The following TMCC1 variants were observed in gnomAD, a reference collection of about 807,000 sequenced individuals.
TMCC1 encodes transmembrane and coiled-coil domains protein 1.
In TMCC1, 15 loss-of-function variants were observed where a neutral mutation model predicts 52.4. The observed-to-expected ratio is 0.29, with a 90% CI of 0.19 to 0.44. TMCC1 has a LOEUF of 0.44. Ranked by LOEUF, TMCC1 falls within the 20% of genes least tolerant of loss-of-function variation. The pLI is 1.00. For synonymous variants in TMCC1, 279 were observed against 301.9 expected (o/e 0.92, Z 0.79); for missense variants, 503 against 806.0 (o/e 0.62, Z 4.55).
chr3:129,757,203 C>A (rs2053088907), intron 4 of TMCC1, among the ~76,000 whole-genome samples: 2 of 152,132 alleles, frequency 1.3e-5, no homozygotes, highest in Admixed American at 1.3e-4. Context: ...CAATCTACAA[C>A]CCCCAAGGGA....
At chr3:129,719,941 G>T (rs924987645) in intron 4 of TMCC1, among the ~76,000 whole-genome samples, 2 of 152,130 alleles carry the variant, frequency 1.3e-5, no homozygotes, top group South Asian at 4.2e-4. Flanking sequence ...CATTTTGGGA[G>T]GCCAAAAGGC....
At chr3:129,778,677 G>GGC (rs1012030969) in intron 4 of TMCC1, among the ~76,000 whole-genome samples, 2 of 151,126 alleles carry the variant, frequency 1.3e-5, no homozygotes, top group East Asian at 1.9e-4. Context: ...ATCATGGTGG[G>GGC]GGGGGGGCAG....
chr3:129,666,663 C>T (rs894792487), intron 5 of TMCC1, among the ~76,000 whole-genome samples: 4 of 152,026 alleles, frequency 2.6e-5, no homozygotes, highest in Non-Finnish European at 4.4e-5. Context: ...TCACTTGAAC[C>T]CAGGAGGCGG....
chr3:129,836,282 AGGT>A (rs1223135033), intron 2 of TMCC1, among the ~76,000 whole-genome samples: 2 of 152,186 alleles, frequency 1.3e-5, no homozygotes, highest in Non-Finnish European at 2.9e-5. Context: ...TCTTCTCAGT[AGGT>A]GATAGAACAA....
At chr3:129,820,951 A>C (rs1352489769) in intron 4 of TMCC1, among the ~76,000 whole-genome samples, 1 of 152,208 alleles carries the variant, frequency 6.6e-6, no homozygotes, top group Non-Finnish European at 1.5e-5. Context: ...ATAGTACATA[A>C]GGAAAGCAGT....
chr3:129,689,569 G>A (rs1046812792), intron 4 of TMCC1, among the ~76,000 whole-genome samples: 7 of 152,140 alleles, frequency 4.6e-5, no homozygotes, highest in African/African-American at 1.7e-4. Context: ...GCCTTTCTAT[G>A]AGCCTGGAGG....
chr3:129,715,920 A>C (rs2049045691), intron 4 of TMCC1, among the ~76,000 whole-genome samples: 1 of 151,982 alleles, frequency 6.6e-6, no homozygotes. Flanking sequence ...GTTATTTTTA[A>C]ATTATTTTTT....
chr3:129,692,828 A>C (rs2047121793), intron 4 of TMCC1, among the ~76,000 whole-genome samples: 3 of 152,188 alleles, frequency 2.0e-5, no homozygotes, highest in Admixed American at 2.0e-4. Flanking sequence ...AGAATGTAAA[A>C]GACAAATCAT....
intron 4 of TMCC1, among the ~76,000 whole-genome samples, chr3:129,794,585 G>A (rs762724890): frequency 1.3e-5 from 2 of 152,128 alleles, no homozygotes; most frequent in Non-Finnish European, 2.9e-5. Flanking sequence ...TCCTGAAGCC[G>A]CTGTGCCCAG....
At chr3:129,676,570 G>C (rs988128380) in intron 4 of TMCC1, among the ~76,000 whole-genome samples, 2 of 152,160 alleles carry the variant, frequency 1.3e-5, no homozygotes, top group African/African-American at 4.8e-5. Context: ...GCCATTTAGA[G>C]CGCAGCATTT....
intron 4 of TMCC1, among the ~76,000 whole-genome samples, chr3:129,770,768 C>T (rs1015976318): frequency 1.3e-5 from 2 of 152,118 alleles, no homozygotes; most frequent in African/African-American, 4.8e-5. Flanking sequence ...TTTCCTCATA[C>T]CCATAGGATG....
intron 4 of TMCC1, among the ~76,000 whole-genome samples, chr3:129,777,040 T>C (rs1367197015): frequency 6.6e-6 from 1 of 152,204 alleles, no homozygotes; most frequent in Non-Finnish European, 1.5e-5. Context: ...TACCAGGAAC[T>C]ATGCCAGGAG....
intron 2 of TMCC1, among the ~76,000 whole-genome samples, chr3:129,867,288 C>T (rs1428044177): frequency 3.3e-5 from 5 of 152,182 alleles, no homozygotes; most frequent in Admixed American, 6.5e-5. Flanking sequence ...TATCTCCATG[C>T]TTTCATCCAT....
intron 2 of TMCC1, among the ~76,000 whole-genome samples, chr3:129,835,754 G>T (rs937962669): frequency 6.6e-6 from 1 of 152,130 alleles, no homozygotes; most frequent in Non-Finnish European, 1.5e-5. Flanking sequence ...ATTCTGGAAT[G>T]GTGGACAGGT....
chr3:129,892,090 A>G (rs1273311769), intron 1 of TMCC1, among the ~76,000 whole-genome samples: 1 of 152,214 alleles, frequency 6.6e-6, no homozygotes, highest in Non-Finnish European at 1.5e-5. Context: ...TCTTATACAC[A>G]GTACACAGCA....
At chr3:129,886,077 A>G (rs912566210) in intron 1 of TMCC1, among the ~76,000 whole-genome samples, 5 of 152,156 alleles carry the variant, frequency 3.3e-5, no homozygotes, top group Non-Finnish European at 7.3e-5. Context: ...ATACACTCAG[A>G]GACTGCTTGA....
intron 4 of TMCC1, among the ~76,000 whole-genome samples, chr3:129,806,027 G>A (rs1393010022): frequency 1.3e-5 from 2 of 152,150 alleles, no homozygotes; most frequent in Non-Finnish European, 1.5e-5. Context: ...ATAACAAAAC[G>A]TAAGTAATGT....
intron 4 of TMCC1, among the ~76,000 whole-genome samples, chr3:129,796,411 A>G (rs2056824230): frequency 6.6e-6 from 1 of 152,232 alleles, no homozygotes; most frequent in Non-Finnish European, 1.5e-5. Flanking sequence ...TATAGGGTTC[A>G]GTACTATCTT....
At chr3:129,779,539 T>C (rs1180592442) in intron 4 of TMCC1, among the ~76,000 whole-genome samples, 3 of 152,158 alleles carry the variant, frequency 2.0e-5, no homozygotes, top group African/African-American at 7.2e-5. Context: ...TGGGTAAATA[T>C]CCTCAAAGCA....
Sources: gnomAD v4.1 joint callset for allele counts (sites outside exome capture counted in the v4.1 genomes callset) on GRCh38, gnomAD v4.1.1 for gene constraint, MANE v1.5 for transcripts, NCBI Gene and HGNC (gene_info 2026-07-23, HGNC 2026-07-21) for gene names.